The following PLEKHG1 variants were observed in gnomAD, a reference collection of about 807,000 sequenced individuals.
The protein encoded by PLEKHG1 is pleckstrin homology and RhoGEF domain containing G1.
In PLEKHG1, 44 loss-of-function variants were observed where a neutral mutation model predicts 100.8. That is an observed-to-expected ratio of 0.44 (90% confidence interval 0.34 to 0.56). The LOEUF (loss-of-function observed/expected upper bound fraction) is 0.56, where lower values mean the gene tolerates loss of function less well. PLEKHG1 is among the 20% of genes least tolerant of loss of function. The pLI, the probability that PLEKHG1 is intolerant of heterozygous loss-of-function variation, is 0.01. For synonymous variants in PLEKHG1, 640 were observed against 662.5 expected, an observed-to-expected ratio of 0.97 and a Z score of 0.52; for missense variants, 1,545 against 1,720.9, an observed-to-expected ratio of 0.90 and a Z score of 1.81.
Position 150,831,509 on chromosome 6 carries a change from C to T in PLEKHG1, c.2398C>T (p.His800Tyr). The change falls in exon 15 of 16, where the codon CAT becomes TAT. Residue 800 changes from histidine to tyrosine, a missense_variant. Physicochemically the swap from His to Tyr is moderately conservative, Grantham distance 83. Transcript: ENST00000358517. This position sits in a 1 kb window ranked among gnomAD's most constrained non-coding sequence, Gnocchi z 4.1. Reference sequence around the variant, plus strand: ...GCTCAGTGAGGACGAAGCCCCTTACCATCAGGCCACTCCCGATCATGGTTA... The same window carrying T: ...GCTCAGTGAGGACGAAGCCCCTTACTATCAGGCCACTCCCGATCATGGTTA... 1.9e-6 allele frequency: 3 copies of T among 1,614,056 alleles called. No individual in the cohort carries two copies. The highest frequency in any genetic ancestry group is 2.5e-6 in the Non-Finnish European group (3 of 1,179,952).
At position 150,745,018 on chromosome 6, in the gene PLEKHG1, C is replaced by A. The variant is rs532147263; in HGVS notation, c.411+10926C>A. Among the ~76,000 whole-genome samples the A allele has an allele frequency of 6.2e-4, 94 of 152,238 alleles. 1 individual carries two copies. The highest frequency in any genetic ancestry group is 2.2e-3 in the African/African-American group (92 of 41,546). ...ATGTGAGTTTCAAAGTACCTATGATCAGTCCTGCAGTAATGCAGCCATGTG... is the reference window on the plus strand; with the variant it reads ...ATGTGAGTTTCAAAGTACCTATGATAAGTCCTGCAGTAATGCAGCCATGTG... On this transcript the variant is annotated intron_variant, in intron 2 of 15. Transcript: ENST00000358517.
At chr6:150,823,311 A>G (rs1026048205) in intron 13 of PLEKHG1, among the ~76,000 whole-genome samples, 2 of 152,250 alleles carry the variant, frequency 1.3e-5, no homozygotes, top group Admixed American at 1.3e-4. Context: ...TCATCTTTAC[A>G]TAATTGTCAT....
intron 1 of PLEKHG1, among the ~76,000 whole-genome samples, chr6:150,610,980 G>GC (rs1776803658): frequency 6.6e-6 from 1 of 152,192 alleles, no homozygotes; most frequent in Admixed American, 6.5e-5. Flanking sequence ...TAGGATATCA[G>GC]CCCTATTCCA....
chr6:150,753,574 G>A (rs1412400943), intron 2 of PLEKHG1, among the ~76,000 whole-genome samples: 1 of 152,178 alleles, frequency 6.6e-6, no homozygotes, highest in Non-Finnish European at 1.5e-5. Context: ...TTTCCATAAA[G>A]CAGTGGATAA....
intron 3 of PLEKHG1, among the ~76,000 whole-genome samples, chr6:150,661,722 G>T (rs1348001159): frequency 2.0e-5 from 3 of 152,164 alleles, no homozygotes; most frequent in Non-Finnish European, 2.9e-5. Flanking sequence ...AGAGTTTAGA[G>T]ATACGCCTAT....
intron 3 of PLEKHG1, among the ~76,000 whole-genome samples, chr6:150,689,558 T>C (rs1780264970): frequency 6.6e-6 from 1 of 152,238 alleles, no homozygotes; most frequent in Non-Finnish European, 1.5e-5. Flanking sequence ...GGTTTTACTT[T>C]TATGTTTCAG....
At chr6:150,808,041 T>C (rs2128668563) in intron 7 of PLEKHG1, among the ~76,000 whole-genome samples, 1 of 152,326 alleles carries the variant, frequency 6.6e-6, no homozygotes, top group East Asian at 1.9e-4. Flanking sequence ...CAGTCAACAG[T>C]AATTTATAAA....
intron 5 of PLEKHG1, among the ~76,000 whole-genome samples, chr6:150,798,535 G>A (rs956985279): frequency 6.6e-6 from 1 of 152,148 alleles, no homozygotes; most frequent in African/African-American, 2.4e-5. Flanking sequence ...GTCATTCATG[G>A]AGCACCGTCC....
chr6:150,701,259 G>T (rs1359239049), intron 3 of PLEKHG1, among the ~76,000 whole-genome samples: 1 of 149,132 alleles, frequency 6.7e-6, no homozygotes, highest in Non-Finnish European at 1.5e-5. Context: ...GACAGAGTTT[G>T]CAGTGAGCCA....
chr6:150,677,111 C>T (rs552651158), intron 3 of PLEKHG1, among the ~76,000 whole-genome samples: 12 of 152,256 alleles, frequency 7.9e-5, no homozygotes, highest in Admixed American at 7.2e-4. Flanking sequence ...TTGTTTCTTC[C>T]TCTGGTCTGT....
chr6:150,742,587 AAAAAAG>A (rs1314050636), intron 2 of PLEKHG1, among the ~76,000 whole-genome samples: 8 of 147,776 alleles, frequency 5.4e-5, no homozygotes, highest in African/African-American at 1.8e-4. Context: ...AAAAAAAAAA[AAAAAAG>A]AGCGCAGGGA....
chr6:150,686,071 A>G (rs1056757831), intron 3 of PLEKHG1, among the ~76,000 whole-genome samples: 9 of 152,234 alleles, frequency 5.9e-5, no homozygotes, highest in African/African-American at 2.2e-4. Context: ...GTCATTGGTC[A>G]CTGCCCAGTG....
chr6:150,795,205 A>G (rs1029119345), intron 4 of PLEKHG1, among the ~76,000 whole-genome samples: 15 of 152,204 alleles, frequency 9.9e-5, no homozygotes, highest in Middle Eastern at 3.4e-3. Context: ...CCTGGCCAAC[A>G]TAGCAAAACC....
intron 3 of PLEKHG1, among the ~76,000 whole-genome samples, chr6:150,684,231 G>A (rs1780035122): frequency 6.6e-6 from 1 of 152,196 alleles, no homozygotes; most frequent in Non-Finnish European, 1.5e-5. Flanking sequence ...TCATAGAACA[G>A]CCATTTCAGA....
chr6:150,639,775 G>A (rs1778172994), intron 2 of PLEKHG1, among the ~76,000 whole-genome samples: 1 of 152,122 alleles, frequency 6.6e-6, no homozygotes. Flanking sequence ...GCAGACCAGA[G>A]GGGAGGTCTT....
chr6:150,823,922 G>A (rs1776444875), intron 14 of PLEKHG1, among the ~76,000 whole-genome samples: 1 of 152,090 alleles, frequency 6.6e-6, no homozygotes, highest in African/African-American at 2.4e-5. Context: ...TTCATCCTCT[G>A]CCCCATATCA....
At chr6:150,794,044 T>G (rs1456098034) in intron 4 of PLEKHG1, among the ~76,000 whole-genome samples, 1 of 152,158 alleles carries the variant, frequency 6.6e-6, no homozygotes, top group African/African-American at 2.4e-5. Flanking sequence ...ATCGTGCCAC[T>G]GCACTCCAGC....
At chr6:150,702,557 G>GGGGTGTGTGTGTGTGTGT (rs1554261632) in intron 3 of PLEKHG1, among the ~76,000 whole-genome samples, 27 of 142,918 alleles carry the variant, frequency 1.9e-4, no homozygotes, top group African/African-American at 6.6e-4. Flanking sequence ...TTTGTTTTGG[G>GGGGTGTGTGTGTGTGTGT]GTGTGTGTGT....
intron 2 of PLEKHG1, among the ~76,000 whole-genome samples, chr6:150,735,449 T>C (rs1000529953): frequency 2.0e-5 from 3 of 152,184 alleles, no homozygotes; most frequent in African/African-American, 4.8e-5. Context: ...TTCCCCCAAA[T>C]ACATTCTCAT....
Sources: allele counts gnomAD v4.1 joint callset (sites outside exome capture counted in the v4.1 genomes callset), GRCh38; gene constraint gnomAD v4.1.1; non-coding constraint Gnocchi (gnomAD v3.1); transcripts MANE v1.5; gene names NCBI Gene and HGNC (gene_info 2026-07-23, HGNC 2026-07-21).